The following MEIS2 variants were observed in gnomAD, a reference collection of about 807,000 sequenced individuals.
The protein encoded by MEIS2 is Meis homeobox 2, also known as homeobox protein Meis2.
MEIS2 carries 9 observed loss-of-function variants against 58.6 expected under a neutral mutation model. The observed-to-expected ratio is 0.15, with a 90% CI of 0.09 to 0.27. The LOEUF is 0.27. MEIS2 is among the 10% of genes least tolerant of loss of function. The pLI is 1.00. For missense variants in MEIS2, 427 were observed against 635.0 expected (o/e 0.67, Z 3.52); for synonymous variants, 221 against 228.4 (o/e 0.97, Z 0.29).
chr15:37,010,699 A>C (rs973043704), intron 8 of MEIS2, among the ~76,000 whole-genome samples: 1 of 152,176 alleles, frequency 6.6e-6, no homozygotes, highest in Non-Finnish European at 1.5e-5. Flanking sequence ...TTTTAGATGA[A>C]TCTCCAAAGC....
chr15:37,032,102 A>T (rs1389864113), intron 8 of MEIS2, among the ~76,000 whole-genome samples: 2 of 152,068 alleles, frequency 1.3e-5, no homozygotes. Flanking sequence ...GGCTTATATC[A>T]CTTTTAAAAG....
chr15:36,914,096 A>G (rs2057163192), intron 9 of MEIS2, among the ~76,000 whole-genome samples: 1 of 152,170 alleles, frequency 6.6e-6, no homozygotes, highest in African/African-American at 2.4e-5. Flanking sequence ...TGTGGCCCCA[A>G]TTCTACTTAT....
chr15:37,065,756 CA>C (rs35172335), intron 7 of MEIS2, among the ~76,000 whole-genome samples: 1 of 152,084 alleles, frequency 6.6e-6, no homozygotes, highest in South Asian at 2.1e-4. Context: ...TTTATTCACA[CA>C]AAAATATCTT....
chr15:37,012,474 C>G (rs1021321232), intron 8 of MEIS2, among the ~76,000 whole-genome samples: 26 of 152,196 alleles, frequency 1.7e-4, no homozygotes, highest in African/African-American at 6.3e-4. Flanking sequence ...AGGCCTGTTA[C>G]AAAGTAGTCC....
At chr15:36,912,696 A>T (rs948257723) in intron 9 of MEIS2, among the ~76,000 whole-genome samples, 9 of 152,204 alleles carry the variant, frequency 5.9e-5, no homozygotes, top group Non-Finnish European at 1.3e-4. Flanking sequence ...GAGATTAAAC[A>T]TGCTCTGCAT....
chr15:36,910,118 A>T (rs2056934738), intron 9 of MEIS2, among the ~76,000 whole-genome samples: 1 of 152,026 alleles, frequency 6.6e-6, no homozygotes, highest in Non-Finnish European at 1.5e-5. Context: ...ATGTGGGAGG[A>T]TCGCCTGAGA....
intron 8 of MEIS2, among the ~76,000 whole-genome samples, chr15:37,030,714 G>A (rs1053287812): frequency 2.6e-5 from 4 of 151,952 alleles, no homozygotes; most frequent in Admixed American, 6.6e-5. Flanking sequence ...GTACAGTGCC[G>A]TGATCATGGC....
At position 37,069,090 on chromosome 15, in the gene MEIS2, C is replaced by A. The variant is rs73395431; in HGVS notation, c.754+14681G>T. Among the ~76,000 whole-genome samples, 641 of 152,186 alleles carry A rather than the reference C, an allele frequency of 4.2e-3. 2 individuals are homozygous for A. The highest frequency in any genetic ancestry group is 0.013 in the African/African-American group (532 of 41,530). On this transcript the variant is annotated intron_variant, in intron 7 of 11. Coordinates refer to ENST00000561208, the MANE Select transcript of MEIS2 (RefSeq NM_170675.5). The stretch of plus-strand genomic sequence containing the variant: ...TTTTTTCTTTTTTGCCAGCTGAAAG[C>A]AACTCATATTTTATACTGGCAGAAA...
chr15:36,895,415 T>C (rs2056122524), intron 10 of MEIS2, 154 bp from the exon 11 acceptor site: 2 of 621,394 alleles, frequency 3.2e-6, no homozygotes. Context: ...TCTTGATGAC[T>C]GAGTGAAGGT....
intron 8 of MEIS2, among the ~76,000 whole-genome samples, chr15:36,968,206 G>C (rs1370737971): frequency 6.6e-6 from 1 of 152,140 alleles, no homozygotes; most frequent in Non-Finnish European, 1.5e-5. Flanking sequence ...TCAAGATCCA[G>C]CTTCTTGATC....
chr15:37,070,217 T>C (rs1038864940), intron 7 of MEIS2, among the ~76,000 whole-genome samples: 1 of 152,128 alleles, frequency 6.6e-6, no homozygotes, highest in African/African-American at 2.4e-5. Flanking sequence ...TGCACAAGTA[T>C]AGTGGAAGTC....
chr15:37,097,784 G>A (rs567744715), intron 2 of MEIS2, among the ~76,000 whole-genome samples, 183 bp downstream of exon 2: 2 of 152,202 alleles, frequency 1.3e-5, no homozygotes, highest in Non-Finnish European at 2.9e-5. Flanking sequence ...AGTTCTTCGG[G>A]GCTTTGACTC....
At chr15:37,085,672 GC>G (rs760838513) in intron 6 of MEIS2, among the ~76,000 whole-genome samples, 1 of 152,098 alleles carries the variant, frequency 6.6e-6, no homozygotes, top group African/African-American at 2.4e-5. Flanking sequence ...TACAAATATG[GC>G]ACAGGTATAG....
intron 9 of MEIS2, among the ~76,000 whole-genome samples, chr15:36,922,225 G>A (rs2057540314): frequency 6.6e-6 from 1 of 152,152 alleles, no homozygotes; most frequent in Admixed American, 6.5e-5. Flanking sequence ...CAGTGAACAA[G>A]CCCTCAAGCC....
At chr15:36,929,159 CA>C (rs2057867581) in intron 9 of MEIS2, among the ~76,000 whole-genome samples, 1 of 152,152 alleles carries the variant, frequency 6.6e-6, no homozygotes, top group South Asian at 2.1e-4. Flanking sequence ...GACATATTAC[CA>C]ATCAAATATT....
intron 7 of MEIS2, among the ~76,000 whole-genome samples, chr15:37,068,723 G>A (rs1010144884): frequency 1.9e-4 from 29 of 152,110 alleles, no homozygotes; most frequent in African/African-American, 6.3e-4. Context: ...CTAGAAAGAG[G>A]TCAGGTTTAA....
chr15:36,985,608 G>A (rs1360392345), intron 8 of MEIS2, among the ~76,000 whole-genome samples: 1 of 152,018 alleles, frequency 6.6e-6, no homozygotes, highest in Non-Finnish European at 1.5e-5. Flanking sequence ...TCCCTTCTAT[G>A]TCCCACTTCC....
chr15:36,932,665 T>G (rs1214045625), intron 9 of MEIS2, among the ~76,000 whole-genome samples: 1 of 152,166 alleles, frequency 6.6e-6, no homozygotes. Flanking sequence ...TGTGCATGTG[T>G]GTGTGCACGT....
At chr15:36,955,915 T>C (rs531939152) in intron 8 of MEIS2, among the ~76,000 whole-genome samples, 147 of 149,494 alleles carry the variant, frequency 9.8e-4, no homozygotes, top group African/African-American at 3.6e-3. Flanking sequence ...CGGTGGCTCA[T>C]GCCTGTAATC....
Sources: allele counts gnomAD v4.1 joint callset (sites outside exome capture counted in the v4.1 genomes callset), GRCh38; gene constraint gnomAD v4.1.1; transcripts MANE v1.5; gene names NCBI Gene and HGNC (gene_info 2026-07-23, HGNC 2026-07-21).